The following UHRF2 variants were observed in gnomAD, a reference collection of about 807,000 sequenced individuals.
UHRF2 encodes the protein ubiquitin like with PHD and ring finger domains 2.
Under a neutral mutation model 96.8 loss-of-function variants are expected in UHRF2, and 23 were observed. That is an observed-to-expected ratio of 0.24 (90% confidence interval 0.17 to 0.34). The LOEUF is 0.34. Among genes scored for constraint, UHRF2 ranks in the 10% least tolerant of loss-of-function variants. UHRF2 has a pLI of 1.00. For missense variants in UHRF2, 685 were observed against 981.5 expected, an observed-to-expected ratio of 0.70 and a Z score of 4.04; for synonymous variants, 385 against 332.6, an observed-to-expected ratio of 1.16 and a Z score of -1.72.
At chr9:6,457,099 A>G (rs1822228202) in intron 3 of UHRF2, among the ~76,000 whole-genome samples, 2 of 152,196 alleles carry the variant, frequency 1.3e-5, no homozygotes, top group South Asian at 2.1e-4. Flanking sequence ...TACTTTGGGC[A>G]GTATGGGCAT....
chr9:6,504,800 G>A (rs574273316), intron 15 of UHRF2, 109 bp downstream of exon 15: 332 of 755,812 alleles, frequency 4.4e-4, no homozygotes, highest in Non-Finnish European at 6.0e-4. Flanking sequence ...GGATAGTTGC[G>A]GAACCTTCTA....
At chr9:6,480,063 G>A (rs980210365) in intron 6 of UHRF2, among the ~76,000 whole-genome samples, 2 of 152,064 alleles carry the variant, frequency 1.3e-5, no homozygotes, top group African/African-American at 4.8e-5. Flanking sequence ...TTTATGACCT[G>A]GTCCATATCT....
At chr9:6,488,663 G>A (rs1587868315) in intron 9 of UHRF2, among the ~76,000 whole-genome samples, 1 of 149,032 alleles carries the variant, frequency 6.7e-6, no homozygotes, top group East Asian at 2.0e-4. Context: ...ACAGGCGGCC[G>A]GTTAATTTTT....
intron 14 of UHRF2, among the ~76,000 whole-genome samples, chr9:6,501,490 T>C (rs931048322): frequency 6.6e-6 from 1 of 152,256 alleles, no homozygotes; most frequent in Non-Finnish European, 1.5e-5. Context: ...ACAAAAACTC[T>C]ACAGAGTTTC....
chr9:6,465,142 C>T (rs1038360650), intron 4 of UHRF2, among the ~76,000 whole-genome samples: 1 of 152,088 alleles, frequency 6.6e-6, no homozygotes, highest in African/African-American at 2.4e-5. Context: ...TCTTTTTCCC[C>T]TGCTTTCCAA....
At chr9:6,468,734 G>T (rs1823032197) in intron 4 of UHRF2, 1 of 455,306 alleles carries the variant, frequency 2.2e-6, no homozygotes, top group African/African-American at 2.0e-5. Context: ...AGCAGTCTTA[G>T]AAGGCATACA....
In UHRF2 at chr9:6,413,559, C is replaced by T. The variant is rs1158767640; in HGVS notation, c.69C>T (p.Ala23=). ...CCATTGAGGACGTGTCTCGCAAAGC[C>T]ACGATTGAGGAGCTGCGCGAGCGGG... ...TCTIEDVSRK[A]TIEELRERVW... The change falls in exon 1 of 16, where the codon GCC becomes GCT. Residue 23 remains alanine (A), a synonymous_variant. Coordinates refer to ENST00000276893, the MANE Select transcript of UHRF2 (RefSeq NM_152896.3). 4 of 1,601,332 alleles carry T rather than the reference C, an allele frequency of 2.5e-6. No homozygotes were observed. The African/African-American group carries it at 5.5e-5, about 22-fold the overall frequency.
intron 13 of UHRF2, 26 bp from the exon 14 acceptor site, chr9:6,500,526 C>T: frequency 6.3e-7 from 1 of 1,594,942 alleles, no homozygotes; most frequent in Non-Finnish European, 8.5e-7. Context: ...TGTAAGTCTG[C>T]TGATACATTT....
At chr9:6,450,891 A>G (rs750909382) in intron 3 of UHRF2, among the ~76,000 whole-genome samples, 5 of 152,174 alleles carry the variant, frequency 3.3e-5, no homozygotes, top group East Asian at 1.9e-4. Flanking sequence ...TTTAGAGCAC[A>G]TAGTCTGTGC....
chr9:6,469,730 A>G (rs1823117583), intron 4 of UHRF2, among the ~76,000 whole-genome samples: 1 of 150,962 alleles, frequency 6.6e-6, no homozygotes, highest in South Asian at 2.1e-4. Flanking sequence ...ATGTGCATAT[A>G]TACGTGTATA....
intron 3 of UHRF2, chr9:6,449,580 G>C (rs995382608): frequency 1.3e-5 from 2 of 152,222 alleles, no homozygotes; most frequent in African/African-American, 2.4e-5. Context: ...GTTAACATCA[G>C]ATCTGAGACT....
intron 3 of UHRF2, among the ~76,000 whole-genome samples, chr9:6,444,287 C>T (rs1228024111): frequency 6.6e-6 from 1 of 152,156 alleles, no homozygotes; most frequent in African/African-American, 2.4e-5. Context: ...AGAGTATTTC[C>T]TCTAACTGTC....
At chr9:6,447,187 C>T (rs1314408033) in intron 3 of UHRF2, among the ~76,000 whole-genome samples, 1 of 152,144 alleles carries the variant, frequency 6.6e-6, no homozygotes, top group African/African-American at 2.4e-5. Context: ...CCGCGCCCAG[C>T]CAGCACACGT....
chr9:6,435,517 A>G (rs1218844660), intron 3 of UHRF2, among the ~76,000 whole-genome samples: 1 of 152,226 alleles, frequency 6.6e-6, no homozygotes, highest in Non-Finnish European at 1.5e-5. Flanking sequence ...ACGTACTACC[A>G]CAAACTAATT....
intron 8 of UHRF2, among the ~76,000 whole-genome samples, chr9:6,484,251 T>C (rs1271004725): frequency 6.6e-6 from 1 of 152,010 alleles, no homozygotes; most frequent in Admixed American, 6.6e-5. Flanking sequence ...TTTGTTTTGT[T>C]TTTTGGTAGA....
chr9:6,462,176 C>T (rs989795687), intron 4 of UHRF2, among the ~76,000 whole-genome samples: 3 of 152,122 alleles, frequency 2.0e-5, no homozygotes, highest in Admixed American at 2.0e-4. Flanking sequence ...TGGAACACAA[C>T]AGTGGCCATT....
intron 1 of UHRF2, among the ~76,000 whole-genome samples, chr9:6,420,020 A>T (rs994215345): frequency 6.7e-6 from 1 of 150,258 alleles, no homozygotes; most frequent in African/African-American, 2.4e-5. Flanking sequence ...AAATGTTGGG[A>T]TTACAGATGT....
chr9:6,453,258 A>C (rs1235418614), intron 3 of UHRF2, among the ~76,000 whole-genome samples: 1 of 152,206 alleles, frequency 6.6e-6, no homozygotes, highest in Non-Finnish European at 1.5e-5. Flanking sequence ...GAGGTTCTCT[A>C]CTTAGTTCAA....
intron 4 of UHRF2, among the ~76,000 whole-genome samples, chr9:6,475,110 G>GT (rs547659077): frequency 4.6e-5 from 7 of 152,212 alleles, no homozygotes; most frequent in African/African-American, 1.7e-4. Context: ...AATTGACAGA[G>GT]TGCCATTTTA....
Sources: gnomAD v4.1 joint callset for allele counts (sites outside exome capture counted in the v4.1 genomes callset) on GRCh38, gnomAD v4.1.1 for gene constraint, MANE v1.5 for transcripts, NCBI Gene and HGNC (gene_info 2026-07-23, HGNC 2026-07-21) for gene names.